Variants in ZBTB44 observed in about 807,000 individuals in gnomAD.
ZBTB44 encodes zinc finger and BTB domain-containing protein 44.
Under a neutral mutation model 54.0 loss-of-function variants are expected in ZBTB44, and 15 were observed. That is an observed-to-expected ratio of 0.28 (90% CI 0.19 to 0.43). The LOEUF (loss-of-function observed/expected upper bound fraction) is 0.43. Among genes scored for constraint, ZBTB44 ranks in the 20% least tolerant of loss-of-function variants. The pLI, the probability that ZBTB44 is intolerant of heterozygous loss-of-function variation, is 1.00. For synonymous variants in ZBTB44, 230 were observed against 250.1 expected (o/e 0.92, Z 0.76); for missense variants, 487 against 707.1 (o/e 0.69, Z 3.53).
At position 130,236,643 on chromosome 11, in the gene ZBTB44, A is replaced by C. The variant is rs1047308739; in HGVS notation, c.1568+150T>G. The C allele has an allele frequency of 5.2e-6, 4 of 762,946 alleles. No homozygotes were observed. The Admixed American group carries it at 1.2e-4, about 23-fold the overall frequency. 47.3% of individuals were successfully genotyped at this position (762,946 alleles called of 1,614,324 possible). ...AGACTCAGCAAAATTTTATCAGATCAGGAGATTAGAGTATGAACAGTGGGA... is the reference window on the plus strand; with the variant it reads ...AGACTCAGCAAAATTTTATCAGATCCGGAGATTAGAGTATGAACAGTGGGA... On this transcript the variant is annotated intron_variant, in intron 5 of 7. Transcript: ENST00000357899.
intron 1 of ZBTB44, among the ~76,000 whole-genome samples, chr11:130,279,426 A>T (rs1366618618): frequency 6.6e-6 from 1 of 151,974 alleles, no homozygotes; most frequent in Non-Finnish European, 1.5e-5. Context: ...TGGAAAGCTG[A>T]GGCAGGTGGA....
intron 1 of ZBTB44, among the ~76,000 whole-genome samples, chr11:130,263,069 TAA>T (rs1272214966): frequency 1.3e-5 from 2 of 152,282 alleles, no homozygotes; most frequent in African/African-American, 4.8e-5. Flanking sequence ...TAAAAAAATA[TAA>T]GTCACAGACT....
intron 5 of ZBTB44, chr11:130,235,995 A>G (rs1039843739): frequency 2.1e-6 from 2 of 941,050 alleles, no homozygotes; most frequent in African/African-American, 3.5e-5. Context: ...AGATTTGTAA[A>G]AATTTCATTT....
chr11:130,285,581 C>G (rs1940903474), intron 1 of ZBTB44: 1 of 226,342 alleles, frequency 4.4e-6, no homozygotes, highest in East Asian at 1.0e-4. Flanking sequence ...CGTGAGCCAC[C>G]ACACCCAGCC....
chr11:130,252,205 C>A (rs1475898548), intron 2 of ZBTB44, among the ~76,000 whole-genome samples: 1 of 152,164 alleles, frequency 6.6e-6, no homozygotes, highest in Non-Finnish European at 1.5e-5. Context: ...GCAGACGGAT[C>A]AATGCAACAA....
chr11:130,284,413 T>C (rs1764819689), intron 1 of ZBTB44, among the ~76,000 whole-genome samples: 1 of 152,164 alleles, frequency 6.6e-6, no homozygotes, highest in South Asian at 2.1e-4. Context: ...TCAACAAACA[T>C]TTACTGGTGG....
rs1953817230 is a variant in ZBTB44, at chr11:130,230,011, T to C, written c.*1753A>G. On this transcript the variant is annotated 3_prime_UTR_variant, in exon 8 of 8. Coordinates refer to ENST00000357899, the MANE Select transcript of ZBTB44 (RefSeq NM_001301098.2). ...TAACATATGAAAGTTTCTAATTCTT[T>C]TGTTCATTCCACAAATCTCAAACTT... 6.6e-6 allele frequency: 1 copy of C among 152,138 alleles called. No homozygotes were observed. Among genetic ancestry groups the C allele is most frequent in the Non-Finnish European group, 1.5e-5 (1 of 67,962 alleles). 9.4% of individuals were successfully genotyped at this position (152,138 alleles called of 1,614,324 possible). A position where few individuals can be genotyped will look rare whatever the true frequency, so the allele number is the denominator to read the frequency against.
chr11:130,310,221 G>C (rs1031467362), intron 1 of ZBTB44: 3 of 152,308 alleles, frequency 2.0e-5, no homozygotes, highest in Admixed American at 6.5e-5. Context: ...AGCTACTCAA[G>C]AGGCTGAGGC....
chr11:130,279,343 T>G (rs978461705), intron 1 of ZBTB44, among the ~76,000 whole-genome samples: 3 of 151,086 alleles, frequency 2.0e-5, no homozygotes, highest in African/African-American at 7.3e-5. Context: ...TGGGTTTATA[T>G]TCTACAAATT....
At chr11:130,256,859 A>T (rs1311442174) in intron 2 of ZBTB44, among the ~76,000 whole-genome samples, 1 of 152,116 alleles carries the variant, frequency 6.6e-6, no homozygotes, top group Non-Finnish European at 1.5e-5. Context: ...GCTCTCTCTC[A>T]CCACCCCTAT....
intron 1 of ZBTB44, among the ~76,000 whole-genome samples, chr11:130,280,264 A>G (rs1408641761): frequency 1.3e-5 from 2 of 152,190 alleles, no homozygotes; most frequent in African/African-American, 4.8e-5. Flanking sequence ...AAAGAGAAAA[A>G]CCATGATCTC....
chr11:130,246,380 T>C (rs770728968), intron 2 of ZBTB44, among the ~76,000 whole-genome samples: 3 of 152,194 alleles, frequency 2.0e-5, no homozygotes, highest in Non-Finnish European at 2.9e-5. Context: ...GTTTCCTTTC[T>C]ACCCTATAGG....
chr11:130,301,459 G>C (rs1051788996), intron 1 of ZBTB44, among the ~76,000 whole-genome samples: 1 of 152,148 alleles, frequency 6.6e-6, no homozygotes, highest in Non-Finnish European at 1.5e-5. Context: ...TTCAAGACCA[G>C]CCTGGGCAAC....
intron 5 of ZBTB44, chr11:130,236,173 G>C (rs1295102106): frequency 7.8e-7 from 1 of 1,287,086 alleles, no homozygotes; most frequent in African/African-American, 1.5e-5. Flanking sequence ...ATCAACAGCA[G>C]TTAGTGGCAG....
intron 1 of ZBTB44, among the ~76,000 whole-genome samples, chr11:130,289,235 C>T (rs1267772870): frequency 6.6e-6 from 1 of 152,132 alleles, no homozygotes; most frequent in Non-Finnish European, 1.5e-5. Flanking sequence ...GTAATCCCAG[C>T]ACTCTGGGAG....
At chr11:130,251,702 T>G (rs1042240359) in intron 2 of ZBTB44, among the ~76,000 whole-genome samples, 2 of 152,124 alleles carry the variant, frequency 1.3e-5, no homozygotes, top group Non-Finnish European at 2.9e-5. Context: ...ATAAAATCCT[T>G]TACAGACAAG....
At chr11:130,281,966 G>A (rs1035073611) in intron 1 of ZBTB44, among the ~76,000 whole-genome samples, 2 of 151,982 alleles carry the variant, frequency 1.3e-5, no homozygotes, top group Non-Finnish European at 2.9e-5. Context: ...TACCCTATTT[G>A]CATGAGCCCA....
At chr11:130,302,230 T>C (rs577213219) in intron 1 of ZBTB44, among the ~76,000 whole-genome samples, 9 of 152,088 alleles carry the variant, frequency 5.9e-5, no homozygotes, top group Admixed American at 1.3e-4. Flanking sequence ...AAAGGCAGCA[T>C]AGACAAGTTA....
chr11:130,257,238 TAAAAAAAAAAAA>T (rs572669481), intron 2 of ZBTB44, among the ~76,000 whole-genome samples: 1 of 109,342 alleles, frequency 9.1e-6, no homozygotes, highest in Non-Finnish European at 2.0e-5. Flanking sequence ...TCCCAGATCT[TAAAAAAAAAAAA>T]AAAAAAAAAG....
Sources: allele counts gnomAD v4.1 joint callset (sites outside exome capture counted in the v4.1 genomes callset), GRCh38; gene constraint gnomAD v4.1.1; transcripts MANE v1.5; gene names NCBI Gene and HGNC (gene_info 2026-07-23, HGNC 2026-07-21).